The following CDKL4 variants were observed in gnomAD, a reference collection of about 807,000 sequenced individuals.
CDKL4 encodes cyclin-dependent kinase-like 4.
Under a neutral mutation model 42.0 loss-of-function variants are expected in CDKL4, and 44 were observed. The ratio of observed to expected loss-of-function variants is 1.05; its 90% CI spans 0.82 to 1.35. The LOEUF is 1.35. CDKL4 is among the 40% of genes most tolerant of loss of function. The probability of loss-of-function intolerance (pLI) is 0.00; values close to 1 mark genes in which losing one functional copy is unlikely to be tolerated. For synonymous variants in CDKL4, 120 were observed against 121.6 expected (o/e 0.99, Z 0.09); for missense variants, 393 against 369.9 (o/e 1.06, Z -0.51).
downstream of CDKL4, among the ~76,000 whole-genome samples, chr2:39,175,190 GT>G (rs1675115567): frequency 6.6e-6 from 1 of 152,146 alleles, no homozygotes; most frequent in Non-Finnish European, 1.5e-5. Flanking sequence ...TTGCAAGAGA[GT>G]ACTATCCATG....
At chr2:39,178,243 C>G (rs1319993154) in intron 9 of CDKL4, among the ~76,000 whole-genome samples, 1 of 152,192 alleles carries the variant, frequency 6.6e-6, no homozygotes, top group Non-Finnish European at 1.5e-5. Context: ...CAACAAACTT[C>G]TATTTTAACT....
intron 1 of CDKL4, among the ~76,000 whole-genome samples, chr2:39,232,601 G>T (rs554702750): frequency 6.6e-6 from 1 of 152,296 alleles, no homozygotes; most frequent in South Asian, 2.1e-4. Context: ...GGGGGGCTTT[G>T]AGGTAGCCAA....
chr2:39,185,450 ATACATATGTG>A lies in CDKL4; in HGVS notation c.736-813_736-804del, dbSNP rs1449667763. ...TACATATGTATATATACATGTATAT[ATACATATGTG>A]TATATATATATATATATATTTGAGA... On this transcript the variant is annotated intron_variant, in intron 7 of 9. Coordinates refer to ENST00000451199, the Ensembl canonical transcript of CDKL4. 4.7e-5 allele frequency among the ~76,000 whole-genome samples: 5 copies of A among 105,952 alleles called. 1 individual carries two copies. Among genetic ancestry groups the A allele is most frequent in the African/African-American group, 1.8e-4 (5 of 27,040 alleles). The allele number at this position is 105,952 out of a possible 152,430, so 69.5% of individuals were successfully genotyped here.
chr2:39,213,628 C>T (rs935089179), intron 3 of CDKL4, among the ~76,000 whole-genome samples, 156 bp from the exon 4 acceptor site: 10 of 151,934 alleles, frequency 6.6e-5, no homozygotes, highest in African/African-American at 2.4e-4. Context: ...TTGGGCTTTA[C>T]TATCTTTTTA....
intron 3 of CDKL4, among the ~76,000 whole-genome samples, chr2:39,224,313 CAGATAAACTGT>C: frequency 6.6e-6 from 1 of 151,908 alleles, no homozygotes; most frequent in South Asian, 2.1e-4. Flanking sequence ...GTTTAATAAA[CAGATAAACTGT>C]AGAGGCAATA....
chr2:39,190,366 G>C (rs1341397520), exon 6 of CDKL4: 2 of 1,614,100 alleles, frequency 1.2e-6, no homozygotes, highest in East Asian at 2.2e-5. Context: ...ACAGTGGCTG[G>C]CCTGTCAGGA....
intron 3 of CDKL4, among the ~76,000 whole-genome samples, chr2:39,221,180 A>AT (rs1248552047): frequency 1.3e-5 from 2 of 150,112 alleles, no homozygotes; most frequent in African/African-American, 4.9e-5. Flanking sequence ...CGCCTGGCTA[A>AT]TTTTTTTGTA....
chr2:39,206,206 G>A (rs1448999351), intron 4 of CDKL4, among the ~76,000 whole-genome samples: 2 of 151,880 alleles, frequency 1.3e-5, no homozygotes, highest in East Asian at 3.9e-4. Context: ...GATGTGTCCC[G>A]AGTAGCTAGG....
intron 5 of CDKL4, 104 bp downstream of exon 5, chr2:39,204,423 A>G (rs1572978852): frequency 1.4e-6 from 1 of 736,606 alleles, no homozygotes; most frequent in East Asian, 2.6e-5. Flanking sequence ...TTGAATAACA[A>G]CAATACAATA....
At chr2:39,191,193 G>C (rs979316054) in intron 5 of CDKL4, among the ~76,000 whole-genome samples, 1 of 152,108 alleles carries the variant, frequency 6.6e-6, no homozygotes, top group Non-Finnish European at 1.5e-5. Context: ...GAGGTCAGGA[G>C]TTTGAGACCA....
At chr2:39,209,211 C>T (rs1237859848) in intron 4 of CDKL4, among the ~76,000 whole-genome samples, 2 of 150,558 alleles carry the variant, frequency 1.3e-5, no homozygotes, top group Admixed American at 1.3e-4. Flanking sequence ...CCTTGGGAGG[C>T]TAAGGTGGAA....
At chr2:39,196,898 T>C (rs1676550169) in intron 5 of CDKL4, among the ~76,000 whole-genome samples, 3 of 152,222 alleles carry the variant, frequency 2.0e-5, no homozygotes, top group Admixed American at 6.5e-5. Context: ...TAAGCCACTG[T>C]GCCTGGCCCA....
chr2:39,213,510 GGATA>G, intron 3 of CDKL4, 38 bp from the exon 4 acceptor site: 1 of 1,420,490 alleles, frequency 7.0e-7, no homozygotes, highest in Non-Finnish European at 1.0e-6. Context: ...AAAACTCATA[GGATA>G]GAGTTCCAGA....
chr2:39,183,356 T>C (rs1428987173), intron 8 of CDKL4, among the ~76,000 whole-genome samples: 1 of 152,162 alleles, frequency 6.6e-6, no homozygotes, highest in Non-Finnish European at 1.5e-5. Context: ...GTGTGGTCCA[T>C]GAAACAGCAC....
the CDKL4 span, among the ~76,000 whole-genome samples, chr2:39,168,519 C>T: frequency 7.2e-5 from 11 of 152,024 alleles, no homozygotes; most frequent in Middle Eastern, 3.4e-3. Context: ...GTGGATCACC[C>T]AAGGTCAGGA....
At chr2:39,245,693 GTAACTGTTGAATATTGAT>G (rs547149214), upstream of CDKL4, among the ~76,000 whole-genome samples, 9 of 152,316 alleles carry the variant, frequency 5.9e-5, no homozygotes, top group African/African-American at 2.2e-4. Context: ...AACAGCACAC[GTAACTGTTGAATATTGAT>G]TAGTTCGTTT....
intron 5 of CDKL4, 73 bp from the exon 6 acceptor site, chr2:39,190,575 C>T: frequency 7.8e-7 from 1 of 1,289,708 alleles, no homozygotes; most frequent in Non-Finnish European, 1.1e-6. Flanking sequence ...ACACATCAGG[C>T]ATTCAGGCTG....
intron 1 of CDKL4, among the ~76,000 whole-genome samples, chr2:39,243,299 G>C (rs1023833916): frequency 2.0e-5 from 3 of 151,890 alleles, no homozygotes; most frequent in African/African-American, 7.3e-5. Context: ...TAGTCAAATG[G>C]GCCATTAAAT....
chr2:39,173,219 T>C (rs1572929940), downstream of CDKL4, among the ~76,000 whole-genome samples: 1 of 152,220 alleles, frequency 6.6e-6, no homozygotes, highest in East Asian at 1.9e-4. Context: ...AGATACATAA[T>C]ATAGAGAGAT....
Sources: gnomAD v4.1 joint callset for allele counts (sites outside exome capture counted in the v4.1 genomes callset) on GRCh38, gnomAD v4.1.1 for gene constraint, MANE v1.5 for transcripts, NCBI Gene and HGNC (gene_info 2026-07-23, HGNC 2026-07-21) for gene names.